The following DAB2IP variants were observed in gnomAD, a reference collection of about 807,000 sequenced individuals.
DAB2IP encodes DAB2 interacting protein, also known as disabled homolog 2-interacting protein.
A neutral mutation model predicts 107.2 loss-of-function variants in DAB2IP; 28 were observed. The ratio of observed to expected loss-of-function variants is 0.26; its 90% CI spans 0.19 to 0.36. DAB2IP has a LOEUF of 0.36. Among genes scored for constraint, DAB2IP ranks in the 10% least tolerant of loss-of-function variants. DAB2IP has a pLI of 1.00. For synonymous variants in DAB2IP, 755 were observed against 706.4 expected (o/e 1.07, Z -1.09); for missense variants, 1,400 against 1,644.7 (o/e 0.85, Z 2.57).
chr9:121,773,726 C>T (rs1472620867), intron 12 of DAB2IP, among the ~76,000 whole-genome samples: 1 of 152,172 alleles, frequency 6.6e-6, no homozygotes, highest in Non-Finnish European at 1.5e-5. Context: ...CTGTCAGTGC[C>T]CCTAGGGGCA....
At chr9:121,604,499 C>T (rs1830800250) in intron 1 of DAB2IP, among the ~76,000 whole-genome samples, 1 of 152,220 alleles carries the variant, frequency 6.6e-6, no homozygotes, top group Non-Finnish European at 1.5e-5. Flanking sequence ...CCATGTCTGG[C>T]TCCAGTTTTC....
chr9:121,692,248 G>A (rs1285540409), intron 2 of DAB2IP, among the ~76,000 whole-genome samples: 1 of 152,138 alleles, frequency 6.6e-6, no homozygotes, highest in East Asian at 1.9e-4. Flanking sequence ...TTGTATGTTA[G>A]CTTGTATGTT....
chr9:121,596,504 G>A (rs1564690283), intron 1 of DAB2IP, among the ~76,000 whole-genome samples: 1 of 152,134 alleles, frequency 6.6e-6, no homozygotes, highest in Non-Finnish European at 1.5e-5. Context: ...GACAGAGCAA[G>A]CCTCTGTCTC....
chr9:121,595,177 G>A (rs1830502593), intron 1 of DAB2IP, among the ~76,000 whole-genome samples: 1 of 151,912 alleles, frequency 6.6e-6, no homozygotes, highest in African/African-American at 2.4e-5. Flanking sequence ...ATTAAAATAC[G>A]GAAACTGAAG....
At chr9:121,717,394 GA>G (rs1371718577) in intron 3 of DAB2IP, among the ~76,000 whole-genome samples, 1 of 152,218 alleles carries the variant, frequency 6.6e-6, no homozygotes, top group African/African-American at 2.4e-5. Context: ...CACATGAGAG[GA>G]AACACTGCAT....
At chr9:121,597,815 C>G (rs1830560880) in intron 1 of DAB2IP, among the ~76,000 whole-genome samples, 1 of 152,286 alleles carries the variant, frequency 6.6e-6, no homozygotes, top group Admixed American at 6.5e-5. Context: ...TCAAAGCCAC[C>G]CTGTGCATCC....
chr9:121,778,663 A>G (rs1490738961), intron 14 of DAB2IP, among the ~76,000 whole-genome samples: 1 of 152,190 alleles, frequency 6.6e-6, no homozygotes, highest in African/African-American at 2.4e-5. Context: ...GAGCAGATCA[A>G]AAGTATTTTA....
chr9:121,679,064 A>G (rs1281500706), intron 2 of DAB2IP, among the ~76,000 whole-genome samples: 2 of 152,212 alleles, frequency 1.3e-5, no homozygotes, highest in Non-Finnish European at 2.9e-5. Context: ...TGGCCCGGAA[A>G]GAGAAGAGGC....
At chr9:121,692,458 A>G (rs1372010655) in intron 2 of DAB2IP, among the ~76,000 whole-genome samples, 2 of 152,044 alleles carry the variant, frequency 1.3e-5, no homozygotes, top group African/African-American at 2.4e-5. Context: ...TCTCTATGAG[A>G]ACATGTTTAA....
intron 3 of DAB2IP, among the ~76,000 whole-genome samples, chr9:121,741,533 A>G (rs1371232628): frequency 1.3e-5 from 2 of 152,114 alleles, no homozygotes; most frequent in East Asian, 3.9e-4. Flanking sequence ...GGTTGTTTTC[A>G]GGCCTCAAAG....
intron 3 of DAB2IP, among the ~76,000 whole-genome samples, chr9:121,750,457 A>G (rs1026914314): frequency 1.3e-5 from 2 of 152,046 alleles, no homozygotes; most frequent in African/African-American, 4.8e-5. Context: ...CTGCTTGCAC[A>G]CTTTCAGAGA....
intron 10 of DAB2IP, among the ~76,000 whole-genome samples, 155 bp from the exon 11 acceptor site, chr9:121,770,391 C>A (rs1418182428): frequency 6.6e-6 from 1 of 152,184 alleles, no homozygotes; most frequent in African/African-American, 2.4e-5. Flanking sequence ...CTGGGCTCAC[C>A]CCCCTCCCAG....
intron 3 of DAB2IP, among the ~76,000 whole-genome samples, chr9:121,711,279 A>C (rs1830324547): frequency 2.0e-5 from 3 of 152,194 alleles, no homozygotes; most frequent in Non-Finnish European, 4.4e-5. Flanking sequence ...ACTGGGGAGC[A>C]GTCTGTCCAG....
At chr9:121,780,710 T>C (rs2119038608) in intron 14 of DAB2IP, among the ~76,000 whole-genome samples, 1 of 152,172 alleles carries the variant, frequency 6.6e-6, no homozygotes, top group African/African-American at 2.4e-5. Context: ...TGCCCAGCAG[T>C]GAGAGTGTCT....
At chr9:121,716,855 C>G (rs1428632812) in intron 3 of DAB2IP, among the ~76,000 whole-genome samples, 1 of 152,210 alleles carries the variant, frequency 6.6e-6, no homozygotes, top group South Asian at 2.1e-4. Flanking sequence ...CCTGCAGTCA[C>G]TCTTCCCGCT....
At chr9:121,773,823 C>T (rs908954937) in intron 12 of DAB2IP, among the ~76,000 whole-genome samples, 1 of 152,232 alleles carries the variant, frequency 6.6e-6, no homozygotes, top group Non-Finnish European at 1.5e-5. Context: ...TGCCCCCACA[C>T]GCCCCTCCCA....
At chr9:121,750,664 C>G (rs185835720) in intron 3 of DAB2IP, among the ~76,000 whole-genome samples, 203 of 152,314 alleles carry the variant, frequency 1.3e-3, no homozygotes, top group East Asian at 3.1e-3. Context: ...CTCAATTCCC[C>G]CCACCCAATA....
chr9:121,645,192 G>A (rs571573787), intron 1 of DAB2IP, among the ~76,000 whole-genome samples: 1 of 152,336 alleles, frequency 6.6e-6, no homozygotes, highest in South Asian at 2.1e-4. Context: ...CCCACCTGGA[G>A]CTTGGCAGCG....
At chr9:121,653,495 GT>G (rs1020619792) in intron 1 of DAB2IP, among the ~76,000 whole-genome samples, 5 of 152,084 alleles carry the variant, frequency 3.3e-5, no homozygotes, top group African/African-American at 1.2e-4. Context: ...TCTGAGCTTA[GT>G]TTTCCTGGTT....
Sources: allele counts gnomAD v4.1 joint callset (sites outside exome capture counted in the v4.1 genomes callset), GRCh38; gene constraint gnomAD v4.1.1; transcripts MANE v1.5; gene names NCBI Gene and HGNC (gene_info 2026-07-23, HGNC 2026-07-21).